The following CPZ variants were observed in gnomAD, a reference collection of about 807,000 sequenced individuals.
CPZ encodes the protein carboxypeptidase Z.
A neutral mutation model predicts 61.8 loss-of-function variants in CPZ; 103 were observed. The observed-to-expected ratio is 1.67, with a 90% CI of 1.42 to 1.96. The LOEUF (loss-of-function observed/expected upper bound fraction) is 1.96. CPZ is among the 30% of genes most tolerant of loss of function. The pLI, the probability that CPZ is intolerant of heterozygous loss-of-function variation, is 0.00. For missense variants in CPZ, 1,461 were observed against 914.9 expected (o/e 1.60, Z -7.70); for synonymous variants, 551 against 373.7 (o/e 1.47, Z -5.47).
intron 1 of CPZ, among the ~76,000 whole-genome samples, chr4:8,596,808 T>C (rs185400477): frequency 3.9e-5 from 6 of 152,166 alleles, no homozygotes; most frequent in Non-Finnish European, 7.4e-5. Flanking sequence ...GTCCAGTCAC[T>C]TGTGTGGGCG....
intron 9 of CPZ, 178 bp from the exon 10 acceptor site, chr4:8,618,251 G>C (rs1716367993): frequency 3.3e-6 from 2 of 611,478 alleles, no homozygotes; most frequent in South Asian, 3.9e-5. Context: ...CTGAGGCCCA[G>C]AGAGGGGAGT....
Position 8,601,203 on chromosome 4 carries a change from C to G in CPZ, c.202C>G (p.Arg68Gly). ...CACCTTCCCCAACCTGCTTCAGCACCGGTCGTGGGAGGTGGTGGAGGCCAG... is the reference window on the plus strand; with the variant it reads ...CACCTTCCCCAACCTGCTTCAGCACGGGTCGTGGGAGGTGGTGGAGGCCAG... ...HTTFPNLLQH[R>G]SWEVVEASSE... The change falls in exon 3 of 11, where the codon CGG becomes GGG. Residue 68 changes from arginine to glycine, a missense_variant. By Grantham distance (125) the Arg-to-Gly change is moderately radical (BLOSUM62 -2). Transcript: ENST00000360986. The G allele has an allele frequency of 6.2e-7, 1 of 1,613,048 alleles. No individual in the cohort carries two copies. Among genetic ancestry groups the G allele is most frequent in the African/African-American group, 1.3e-5 (1 of 75,052 alleles).
chr4:8,613,001 T>C (rs968143373), intron 8 of CPZ, among the ~76,000 whole-genome samples: 7 of 152,240 alleles, frequency 4.6e-5, no homozygotes, highest in African/African-American at 1.7e-4. Flanking sequence ...ACCTGTGATC[T>C]TTCCCTGGTG....
At chr4:8,605,959 G>T (rs768269402) in intron 4 of CPZ, 30 bp from the exon 5 acceptor site, 1 of 1,594,206 alleles carries the variant, frequency 6.3e-7, no homozygotes, top group Non-Finnish European at 8.6e-7. Context: ...GCTTTGAGAT[G>T]ATGCCCCAAG....
intron 7 of CPZ, among the ~76,000 whole-genome samples, chr4:8,609,037 C>CCATTCACTCACT (rs1715299998): frequency 7.1e-6 from 1 of 140,902 alleles, no homozygotes; most frequent in Non-Finnish European, 1.5e-5. Flanking sequence ...CTTCACTCAC[C>CCATTCACTCACT]CATTCACTCC....
intron 7 of CPZ, among the ~76,000 whole-genome samples, chr4:8,609,908 C>T (rs1019525387): frequency 6.6e-6 from 1 of 152,150 alleles, no homozygotes; most frequent in Non-Finnish European, 1.5e-5. Context: ...GCCAAGGTAC[C>T]CTTTCACCAA....
intron 2 of CPZ, chr4:8,600,848 G>A: frequency 9.7e-7 from 1 of 1,027,232 alleles, no homozygotes. Context: ...GTGTGGCACA[G>A]CTGCTTTGCA....
chr4:8,605,226 C>T lies in CPZ; in HGVS notation c.710-763C>T, dbSNP rs183935318. Among the ~76,000 whole-genome samples, 363 of 152,308 alleles carry T rather than the reference C, an allele frequency of 2.4e-3. 3 individuals are homozygous for T. Among genetic ancestry groups the T allele is most frequent in the African/African-American group, 8.3e-3 (345 of 41,548 alleles). ...ACATCATTTTCCAGGGGAGCAAGTG[C>T]GAGGCTTAGAGAGGAGGAGTGACTT... On this transcript the variant is annotated intron_variant, in intron 4 of 10. Coordinates refer to ENST00000360986, the MANE Select transcript of CPZ (RefSeq NM_001014447.3).
chr4:8,610,846 A>C (rs1231124595), intron 7 of CPZ, among the ~76,000 whole-genome samples: 1 of 152,176 alleles, frequency 6.6e-6, no homozygotes, highest in Non-Finnish European at 1.5e-5. Flanking sequence ...GACTGAGTCC[A>C]GATGGCACAG....
intron 1 of CPZ, among the ~76,000 whole-genome samples, chr4:8,595,403 C>T (rs1476853458): frequency 6.6e-6 from 1 of 152,230 alleles, no homozygotes; most frequent in Non-Finnish European, 1.5e-5. Flanking sequence ...ATAGCCTAAC[C>T]AGCCACAGTC....
chr4:8,611,418 A>C (rs950417238), intron 7 of CPZ: 5 of 409,466 alleles, frequency 1.2e-5, no homozygotes, highest in African/African-American at 8.1e-5. Context: ...ACATCCAAAC[A>C]TGTCAAGGGT....
Position 8,619,639 on chromosome 4 carries a change from G to T in CPZ, c.*22G>T. On this transcript the variant is annotated 3_prime_UTR_variant, in exon 11 of 11. Transcript: ENST00000360986. The stretch of plus-strand genomic sequence containing the variant: ...CTAGCCCCGGCCCCAGCACCCGCCA[G>T]GATGTGGAGACCGAGGCCCATCTCC... 6.8e-7 allele frequency: 1 copy of T among 1,473,234 alleles called. No individual in the cohort carries two copies. The highest frequency in any genetic ancestry group is 9.0e-7 in the Non-Finnish European group (1 of 1,112,822). 91.3% of individuals were successfully genotyped at this position (1,473,234 alleles called of 1,614,324 possible).
At chr4:8,609,135 T>TCAG in intron 7 of CPZ, among the ~76,000 whole-genome samples, 1 of 11,482 alleles carries the variant, frequency 8.7e-5, no homozygotes, top group African/African-American at 2.0e-4. Flanking sequence ...CATTCACTCA[T>TCAG]TTACTCATTC....
rs139174553 is a variant in CPZ, at chr4:8,619,578, G to C, written c.1920G>C (p.Ser640=). The change falls in exon 11 of 11, where the codon TCG becomes TCC. Residue 640 remains serine (S), a synonymous_variant. Transcript: ENST00000360986. ...SKPWWWSYFT[S]LSTHRPRWLL... is the part of the protein sequence containing the mutation. ...CCTGGTGGTGGTCCTACTTCACATC[G>C]CTGAGCACCCACAGGCCACGCTGGC... The C allele has an allele frequency of 2.0e-6, 3 of 1,526,372 alleles. No homozygotes were observed. Among genetic ancestry groups the C allele is most frequent in the Admixed American group, 4.2e-5 (2 of 48,170 alleles). The allele number at this position is 1,526,372 out of a possible 1,614,324, so 94.6% of individuals were successfully genotyped here.
Position 8,604,043 on chromosome 4 carries a change from CTCCTACGCCCAGATGG to C in CPZ, c.566_581del (p.Ser189CysfsTer4). 2 of 1,612,148 alleles carry C rather than the reference CTCCTACGCCCAGATGG, an allele frequency of 1.2e-6. No individual in the cohort carries two copies. The highest frequency in any genetic ancestry group is 1.7e-6 in the Non-Finnish European group (2 of 1,179,812). On this transcript the variant is annotated frameshift_variant, in exon 4 of 11. Transcript: ENST00000360986. LOFTEE classifies it high-confidence loss of function. The stretch of plus-strand genomic sequence containing the variant: ...CCACCTTCATCCGCTTCAGCCACCA[CTCCTACGCCCAGATGG>C]TGCGTGTGCTGAGGCGGACGGCCTC...
At chr4:8,606,323 G>A (rs1714999532) in intron 5 of CPZ, 138 bp downstream of exon 5, 1 of 835,130 alleles carries the variant, frequency 1.2e-6, no homozygotes, top group Non-Finnish European at 1.8e-6. Context: ...GTCGATACTG[G>A]CAAACCCCTG....
intron 4 of CPZ, 44 bp from the exon 5 acceptor site, chr4:8,605,945 C>G: frequency 6.3e-7 from 1 of 1,583,282 alleles, no homozygotes. Context: ...TTTGGGGACC[C>G]CCGGCTTTGA....
intron 8 of CPZ, among the ~76,000 whole-genome samples, chr4:8,613,294 G>A (rs553765923): frequency 4.8e-4 from 73 of 152,290 alleles, no homozygotes; most frequent in African/African-American, 1.7e-3. Flanking sequence ...ACCACACCCA[G>A]CTAATTTTTG....
chr4:8,609,184 G>GCATTCACCCACTCCCTCATTCACTTACT (rs1715376066), intron 7 of CPZ, among the ~76,000 whole-genome samples: 1 of 109,324 alleles, frequency 9.1e-6, no homozygotes, highest in South Asian at 3.0e-4. Flanking sequence ...ATTCACTCAG[G>GCATTCACCCACTCCCTCATTCACTTACT]CATTCACTCA....
Sources: allele counts gnomAD v4.1 joint callset (sites outside exome capture counted in the v4.1 genomes callset), GRCh38; gene constraint gnomAD v4.1.1; transcripts MANE v1.5; gene names NCBI Gene and HGNC (gene_info 2026-07-23, HGNC 2026-07-21).